Variants in METTL25 observed in about 807,000 individuals in gnomAD.
The protein encoded by METTL25 is probable methyltransferase-like protein 25.
A neutral mutation model predicts 71.6 loss-of-function variants in METTL25; 64 were observed. The observed-to-expected ratio is 0.89, with a 90% CI of 0.73 to 1.10. METTL25 has a LOEUF of 1.10. Ranked by LOEUF, METTL25 falls within the 50% of genes least tolerant of loss-of-function variation. The pLI is 0.00. For synonymous variants in METTL25, 287 were observed against 250.3 expected (o/e 1.15, Z -1.38); for missense variants, 807 against 707.0 (o/e 1.14, Z -1.60).
intron 3 of METTL25, among the ~76,000 whole-genome samples, chr12:82,396,513 ATGTATAAGAGTAGGTAATGATTTGT>A (rs1223249678): frequency 6.6e-6 from 1 of 152,064 alleles, no homozygotes; most frequent in African/African-American, 2.4e-5. Flanking sequence ...AATTAAAGAT[ATGTATAAGAGTAGGTAATGATTTGT>A]TGTGATAGTA....
chr12:82,442,093 T>C (rs2642020), intron 8 of METTL25, among the ~76,000 whole-genome samples: 151,635 of 152,138 alleles, frequency 1, 75,569 homozygotes, highest in Middle Eastern at 1. Flanking sequence ...TCGTTTCCCC[T>C]ACTAGGGTGG....
At chr12:82,453,703 G>A (rs1336224694) in intron 8 of METTL25, among the ~76,000 whole-genome samples, 2 of 151,982 alleles carry the variant, frequency 1.3e-5, no homozygotes, top group Non-Finnish European at 2.9e-5. Flanking sequence ...GTATAACTAA[G>A]CCTGCCTATA....
At chr12:82,461,443 T>A (rs1302667211) in intron 9 of METTL25, among the ~76,000 whole-genome samples, 30 of 152,172 alleles carry the variant, frequency 2.0e-4, no homozygotes, top group Admixed American at 1.9e-3. Context: ...GTGGATTTCT[T>A]TAGCCCAAAA....
At chr12:82,459,400 G>A (rs1188673174) in intron 9 of METTL25, among the ~76,000 whole-genome samples, 1 of 152,182 alleles carries the variant, frequency 6.6e-6, no homozygotes, top group Non-Finnish European at 1.5e-5. Context: ...GGCCAAGACA[G>A]GAGAATTATT....
At chr12:82,456,848 A>C (rs779781424) in intron 9 of METTL25, 28 bp downstream of exon 9, 1 of 1,057,470 alleles carries the variant, frequency 9.5e-7, no homozygotes, top group Non-Finnish European at 1.3e-6. Context: ...CATTATTTTC[A>C]GAAAAGACAG....
intron 1 of METTL25, among the ~76,000 whole-genome samples, chr12:82,375,455 A>G (rs1474306440): frequency 7.1e-6 from 1 of 140,258 alleles, no homozygotes; most frequent in Non-Finnish European, 1.5e-5. Context: ...AAAAAAAAAT[A>G]TATATATGTT....
chr12:82,362,634 G>C (rs1882082946), intron 1 of METTL25, among the ~76,000 whole-genome samples: 1 of 152,172 alleles, frequency 6.6e-6, no homozygotes, highest in South Asian at 2.1e-4. Flanking sequence ...CTTTTATTCT[G>C]AGTGAAATGC....
intron 5 of METTL25, among the ~76,000 whole-genome samples, chr12:82,417,289 T>C (rs1161628955): frequency 6.6e-6 from 1 of 152,130 alleles, no homozygotes; most frequent in Non-Finnish European, 1.5e-5. Context: ...ATTATAAAAG[T>C]GATGTAGATG....
intron 5 of METTL25, among the ~76,000 whole-genome samples, chr12:82,404,885 A>G (rs1886952476): frequency 6.6e-6 from 1 of 152,042 alleles, no homozygotes; most frequent in African/African-American, 2.4e-5. Flanking sequence ...CACAGGTTGC[A>G]GTGAGCCAAG....
chr12:82,366,224 T>C (rs1234205636), intron 1 of METTL25, among the ~76,000 whole-genome samples: 1 of 152,248 alleles, frequency 6.6e-6, no homozygotes, highest in Non-Finnish European at 1.5e-5. Flanking sequence ...ACTAATACAT[T>C]TGTATTTCAA....
At chr12:82,431,273 C>T (rs1465311022) in intron 6 of METTL25, among the ~76,000 whole-genome samples, 2 of 151,246 alleles carry the variant, frequency 1.3e-5, no homozygotes, top group South Asian at 2.1e-4. Flanking sequence ...TATAGCAGAT[C>T]GTTTGGTTTC....
intron 5 of METTL25, among the ~76,000 whole-genome samples, chr12:82,415,366 A>G (rs536153216): frequency 6.6e-6 from 1 of 152,172 alleles, no homozygotes; most frequent in African/African-American, 2.4e-5. Flanking sequence ...TTGATCATAT[A>G]AAGGAATTAG....
intron 8 of METTL25, among the ~76,000 whole-genome samples, chr12:82,440,021 C>T (rs1303451003): frequency 1.3e-5 from 2 of 151,914 alleles, no homozygotes; most frequent in Non-Finnish European, 2.9e-5. Context: ...TCTTCCTTAG[C>T]CCCATTGACC....
chr12:82,395,158 T>A (rs571071213), intron 3 of METTL25, among the ~76,000 whole-genome samples: 1 of 152,184 alleles, frequency 6.6e-6, no homozygotes, highest in African/African-American at 2.4e-5. Context: ...TATATTTGCC[T>A]CTTTTCTTTA....
chr12:82,390,813 C>T (rs1360733021), intron 3 of METTL25, among the ~76,000 whole-genome samples: 1 of 152,062 alleles, frequency 6.6e-6, no homozygotes, highest in Non-Finnish European at 1.5e-5. Flanking sequence ...AGCCTTATGG[C>T]AATGATACTT....
chr12:82,444,413 G>A (rs967534927), intron 8 of METTL25, among the ~76,000 whole-genome samples: 3 of 152,318 alleles, frequency 2.0e-5, no homozygotes, highest in South Asian at 2.1e-4. Context: ...GAGTTCTTCA[G>A]TCGGAAAGAG....
intron 3 of METTL25, among the ~76,000 whole-genome samples, chr12:82,390,879 A>G (rs1422453791): frequency 6.6e-6 from 1 of 152,072 alleles, no homozygotes; most frequent in Non-Finnish European, 1.5e-5. Context: ...AATCTTGGGG[A>G]GCGAGTGCTG....
chr12:82,413,480 A>C (rs1425980979), intron 5 of METTL25, among the ~76,000 whole-genome samples: 2 of 152,080 alleles, frequency 1.3e-5, no homozygotes, highest in African/African-American at 4.8e-5. Context: ...CCAAGCATAG[A>C]GAGAGTGATT....
chr12:82,406,399 A>G (rs764665884), intron 5 of METTL25, among the ~76,000 whole-genome samples: 14 of 152,140 alleles, frequency 9.2e-5, no homozygotes, highest in African/African-American at 2.9e-4. Context: ...TACACATTCT[A>G]TATTCTTATA....
Sources: allele counts gnomAD v4.1 joint callset (sites outside exome capture counted in the v4.1 genomes callset), GRCh38; gene constraint gnomAD v4.1.1; transcripts MANE v1.5; gene names NCBI Gene and HGNC (gene_info 2026-07-23, HGNC 2026-07-21).